LHX4: variants seen among roughly 807,000 people sequenced by gnomAD.
The protein encoded by LHX4 is LIM/homeobox protein Lhx4.
Under a neutral mutation model 39.2 loss-of-function variants are expected in LHX4, and 16 were observed. The observed-to-expected ratio is 0.41, with a 90% CI of 0.28 to 0.62. The LOEUF (loss-of-function observed/expected upper bound fraction) is 0.62, where lower values mean the gene tolerates loss of function less well. Among genes scored for constraint, LHX4 ranks in the 20% least tolerant of loss-of-function variants. The pLI is 0.33. For synonymous variants in LHX4, 206 were observed against 198.1 expected, an observed-to-expected ratio of 1.04 and a Z score of -0.33; for missense variants, 439 against 511.9, an observed-to-expected ratio of 0.86 and a Z score of 1.37.
intron 3 of LHX4, among the ~76,000 whole-genome samples, chr1:180,268,482 G>A (rs1039651415): frequency 2.6e-5 from 4 of 152,208 alleles, no homozygotes; most frequent in Non-Finnish European, 5.9e-5. Flanking sequence ...GAAGATGCCG[G>A]ACTTGCTGTC....
chr1:180,272,187 G>C (rs545294541), intron 5 of LHX4, among the ~76,000 whole-genome samples, 181 bp downstream of exon 5: 1 of 152,236 alleles, frequency 6.6e-6, no homozygotes, highest in African/African-American at 2.4e-5. Flanking sequence ...CCATGGGACA[G>C]GAGTAGGAAA....
At chr1:180,244,589 A>G (rs1040581517) in intron 1 of LHX4, among the ~76,000 whole-genome samples, 2 of 152,162 alleles carry the variant, frequency 1.3e-5, no homozygotes, top group Non-Finnish European at 2.9e-5. Context: ...GCTCAAAATA[A>G]ATTTTATGGG....
At chr1:180,273,231 G>A (rs1369617389) in intron 5 of LHX4, 1 of 152,336 alleles carries the variant, frequency 6.6e-6, no homozygotes, top group Non-Finnish European at 1.5e-5. Flanking sequence ...GATGCCCTGG[G>A]AGGACTCTAG....
At chr1:180,260,089 C>A (rs75343034) in intron 2 of LHX4, among the ~76,000 whole-genome samples, 1 of 151,408 alleles carries the variant, frequency 6.6e-6, no homozygotes, top group Non-Finnish European at 1.5e-5. Context: ...GTCACCCAGG[C>A]GGGAAGCAAG....
chr1:180,265,823 G>T (rs1053739472), intron 2 of LHX4, among the ~76,000 whole-genome samples: 3 of 152,208 alleles, frequency 2.0e-5, no homozygotes. Flanking sequence ...GGGGAGAAAT[G>T]GAGGCAAAGG....
In LHX4 at chr1:180,234,246, C is replaced by T. The variant is rs1285464298; in HGVS notation, c.76+3641C>T. Among the ~76,000 whole-genome samples, 1 of 130,248 alleles carries T rather than the reference C, an allele frequency of 7.7e-6. No individual in the cohort carries two copies. The highest frequency in any genetic ancestry group is 8.8e-5 in the Admixed American group (1 of 11,402). 85.4% of individuals were successfully genotyped at this position (130,248 alleles called of 152,430 possible). ...AATAGATTGAGATTCTATCATATTCCGAACATTCCGATATAGCAGCTGTAG... is the reference window on the plus strand; with the variant it reads ...AATAGATTGAGATTCTATCATATTCTGAACATTCCGATATAGCAGCTGTAG... On this transcript the variant is annotated intron_variant, in intron 1 of 5. Coordinates refer to ENST00000263726, the MANE Select transcript of LHX4 (RefSeq NM_033343.4). This position sits in a 1 kb window ranked among gnomAD's most constrained non-coding sequence, Gnocchi z 4.8.
intron 1 of LHX4, among the ~76,000 whole-genome samples, chr1:180,239,087 T>C (rs1664392346): frequency 6.6e-6 from 1 of 152,276 alleles, no homozygotes; most frequent in South Asian, 2.1e-4. Context: ...TTAATTTTAA[T>C]GTAACTATAC....
At chr1:180,241,073 C>G (rs1463832694) in intron 1 of LHX4, among the ~76,000 whole-genome samples, 1 of 152,250 alleles carries the variant, frequency 6.6e-6, no homozygotes, top group East Asian at 1.9e-4. Flanking sequence ...TCAACCCAAT[C>G]TACCCTCACC....
rs1459034081 is a variant in LHX4, at chr1:180,234,366, G to T, written c.76+3761G>T. 3.3e-5 allele frequency among the ~76,000 whole-genome samples: 5 copies of T among 151,894 alleles called. No homozygotes were observed. The highest frequency in any genetic ancestry group is 7.4e-5 in the Non-Finnish European group (5 of 67,958). ...GTCAGCTGTCCCCGCCGGCCGATTC[G>T]GGCCTGATGGGTTGGGGGTTCCGAT... On this transcript the variant is annotated intron_variant, in intron 1 of 5. Transcript: ENST00000263726. This position sits in a 1 kb window ranked among gnomAD's most constrained non-coding sequence, Gnocchi z 4.8.
At chr1:180,270,207 A>G (rs1250203737) in intron 3 of LHX4, 1 of 152,268 alleles carries the variant, frequency 6.6e-6, no homozygotes, top group African/African-American at 2.4e-5. Context: ...ATGCATATAA[A>G]GTCCTTAGTC....
At chr1:180,249,202 AAGTCCTCAGGAC>A in intron 2 of LHX4, among the ~76,000 whole-genome samples, 1 of 152,296 alleles carries the variant, frequency 6.6e-6, no homozygotes, top group South Asian at 2.1e-4. Context: ...TTTATGCATC[AAGTCCTCAGGAC>A]AGTGCCTGAC....
In LHX4 at chr1:180,254,127, G is replaced by C. The variant is rs548961603; in HGVS notation, c.248+5671G>C. ...TTCAAGCTGTGCCCCCAGCCACTGG[G>C]GCTCCATATTTCCATCTGCCCGTCA... On this transcript the variant is annotated intron_variant, in intron 2 of 5. Coordinates refer to ENST00000263726, the MANE Select transcript of LHX4 (RefSeq NM_033343.4). Among the ~76,000 whole-genome samples, 35 of 152,324 alleles carry C rather than the reference G, an allele frequency of 2.3e-4. No homozygotes were observed. In the East Asian group the frequency reaches 6.7e-3, roughly 29 times the overall value.
rs372892639 is a variant in LHX4 at position 180,268,431 on chromosome 1, C to T, written c.451+1837C>T. 3.2e-4 allele frequency among the ~76,000 whole-genome samples: 48 copies of T among 152,204 alleles called. No homozygotes were observed. In the South Asian group the frequency reaches 9.6e-3, roughly 30 times the overall value. ...GACATTGTGGTGCTCACAGTTTTAT[C>T]GAGGAATATTTGCACCACAGCAGAC... On this transcript the variant is annotated intron_variant, in intron 3 of 5. Coordinates refer to ENST00000263726, the MANE Select transcript of LHX4 (RefSeq NM_033343.4).
Position 180,248,474 on chromosome 1 carries a change from G to A in LHX4, c.248+18G>A, listed in dbSNP as rs775461531. 1.3e-5 allele frequency: 21 copies of A among 1,613,390 alleles called. No homozygotes were observed. Among genetic ancestry groups the A allele is most frequent in the Admixed American group, 3.3e-5 (2 of 60,016 alleles). On this transcript the variant is annotated intron_variant, in intron 2 of 5. Transcript: ENST00000263726. ...TTCTTCAAGTAAGTCAGAACGGTCC[G>A]TCTCGTGGCCCTGGCCTGTCTCTGC...
intron 2 of LHX4, among the ~76,000 whole-genome samples, chr1:180,261,378 G>A (rs1009085396): frequency 7.0e-6 from 1 of 141,986 alleles, no homozygotes; most frequent in African/African-American, 2.7e-5. Context: ...AGAGGCAAAG[G>A]GGATGGCTCA....
At chr1:180,240,354 A>G (rs1664418900) in intron 1 of LHX4, among the ~76,000 whole-genome samples, 1 of 152,150 alleles carries the variant, frequency 6.6e-6, no homozygotes, top group Non-Finnish European at 1.5e-5. Flanking sequence ...TATCAGTACA[A>G]AGTTTTAAAA....
intron 2 of LHX4, among the ~76,000 whole-genome samples, chr1:180,252,089 G>T (rs1033988003): frequency 6.6e-6 from 1 of 152,168 alleles, no homozygotes. Context: ...GCATCTGAGT[G>T]GTCCCACCTC....
chr1:180,229,959 C>CGGAGGCGGGGGGGG (rs1238306398), upstream of LHX4, among the ~76,000 whole-genome samples: 5 of 22,742 alleles, frequency 2.2e-4, no homozygotes, highest in African/African-American at 2.7e-4. Context: ...GAGGCGGAGG[C>CGGAGGCGGGGGGGG]GGGGAGGGGG....
chr1:180,262,170 G>A (rs896750538), intron 2 of LHX4, among the ~76,000 whole-genome samples: 4 of 151,572 alleles, frequency 2.6e-5, no homozygotes, highest in Admixed American at 6.6e-5. Flanking sequence ...GAGAGTCTCC[G>A]GTACTAGCTG....
Sources: allele counts gnomAD v4.1 joint callset (sites outside exome capture counted in the v4.1 genomes callset), GRCh38; gene constraint gnomAD v4.1.1; non-coding constraint Gnocchi (gnomAD v3.1); transcripts MANE v1.5; gene names NCBI Gene and HGNC (gene_info 2026-07-23, HGNC 2026-07-21).